The following PAK1IP1 variants were observed in gnomAD, a reference collection of about 807,000 sequenced individuals.
The protein encoded by PAK1IP1 is PAK1 interacting protein 1.
A neutral mutation model predicts 42.0 loss-of-function variants in PAK1IP1; 24 were observed. The ratio of observed to expected loss-of-function variants is 0.57; its 90% CI spans 0.41 to 0.80. The LOEUF (loss-of-function observed/expected upper bound fraction) is 0.80. PAK1IP1 is among the 30% of genes least tolerant of loss of function. PAK1IP1 has a pLI of 0.00. For missense variants in PAK1IP1, 411 were observed against 467.9 expected, an observed-to-expected ratio of 0.88 and a Z score of 1.12; for synonymous variants, 154 against 156.7, an observed-to-expected ratio of 0.98 and a Z score of 0.13.
intron 7 of PAK1IP1, among the ~76,000 whole-genome samples, chr6:10,706,500 C>T (rs1306620354): frequency 1.3e-5 from 2 of 152,158 alleles, no homozygotes; most frequent in Admixed American, 6.5e-5. Context: ...TCTATATGCC[C>T]AGCCACTTCT....
intron 2 of PAK1IP1, among the ~76,000 whole-genome samples, chr6:10,699,246 T>C (rs1280154391): frequency 6.6e-6 from 1 of 150,430 alleles, no homozygotes; most frequent in Non-Finnish European, 1.5e-5. Flanking sequence ...GAAAATGTGT[T>C]GTCAAGGGCC....
chr6:10,694,600 G>GTGAA, upstream of PAK1IP1: 1 of 173,902 alleles, frequency 5.8e-6, no homozygotes, highest in South Asian at 1.2e-4. Flanking sequence ...CAGCCCCTAA[G>GTGAA]CAACCGGCCG....
At chr6:10,691,451 C>G (rs940395060), upstream of PAK1IP1, among the ~76,000 whole-genome samples, 1 of 152,094 alleles carries the variant, frequency 6.6e-6, no homozygotes, top group African/African-American at 2.4e-5. Context: ...CGGAACAGAA[C>G]AGGACAGGGA....
At chr6:10,695,132 A>G (rs1413422401) in intron 1 of PAK1IP1, 63 bp downstream of exon 1, 8 of 1,034,948 alleles carry the variant, frequency 7.7e-6, no homozygotes, top group East Asian at 4.7e-5. Context: ...TTTGGTTCCT[A>G]CACAGCAGAG....
chr6:10,694,600 G>GT, upstream of PAK1IP1: 4 of 173,902 alleles, frequency 2.3e-5, no homozygotes, highest in South Asian at 2.3e-4. Context: ...CAGCCCCTAA[G>GT]CAACCGGCCG....
At chr6:10,702,864 C>A (rs58582867) in intron 4 of PAK1IP1, among the ~76,000 whole-genome samples, 1 of 151,882 alleles carries the variant, frequency 6.6e-6, no homozygotes, top group African/African-American at 2.4e-5. Context: ...TGGAGTGCGG[C>A]GGCGTGATCT....
Position 10,709,506 on chromosome 6 carries a change from G to A in PAK1IP1, c.*54G>A, listed in dbSNP as rs1327366053. ...TTAGATGAAATCATTCTACTCAAAT[G>A]TACCTTAATTTTTTTTTTTTCCCTG... On this transcript the variant is annotated 3_prime_UTR_variant, in exon 10 of 10. Coordinates refer to ENST00000379568, the MANE Select transcript of PAK1IP1 (RefSeq NM_017906.3). 3.1e-5 allele frequency: 36 copies of A among 1,165,714 alleles called. No homozygotes were observed. Among genetic ancestry groups the A allele is most frequent in the Non-Finnish European group, 4.0e-5 (35 of 875,970 alleles). The allele number at this position is 1,165,714 out of a possible 1,614,324, so 72.2% of individuals were successfully genotyped here.
At chr6:10,691,839 T>C, upstream of PAK1IP1, among the ~76,000 whole-genome samples, 1 of 152,140 alleles carries the variant, frequency 6.6e-6, no homozygotes, top group East Asian at 1.9e-4. Context: ...TTGGGGTTTT[T>C]TTTTCTTTTT....
At position 10,703,587 on chromosome 6, in the gene PAK1IP1, G is replaced by A. The variant is rs1387745384; in HGVS notation, c.496+130G>A. 2.3e-5 allele frequency: 14 copies of A among 619,156 alleles called. No homozygotes were observed. In the East Asian group the frequency reaches 3.2e-4, roughly 14 times the overall value. 38.4% of individuals were successfully genotyped at this position (619,156 alleles called of 1,614,324 possible). The stretch of plus-strand genomic sequence containing the variant: ...AAAATTCAACACCTTACCTCATGAT[G>A]GGTCACAGTCAGAACCTTGTTTCAT... On this transcript the variant is annotated intron_variant, in intron 5 of 9. Transcript: ENST00000379568.
rs201629252 is a variant in PAK1IP1, at chr6:10,709,272, G to A, written c.999G>A (p.Glu333=). The A allele has an allele frequency of 9.9e-6, 16 of 1,612,054 alleles. No homozygotes were observed. In the East Asian group the frequency reaches 2.7e-4, roughly 27 times the overall value. ...AACAGTCCAAAATTGGCAAAAAGGAGCCTGGTGACACAGTGCACAAAGAAG... is the reference window on the plus strand; with the variant it reads ...AACAGTCCAAAATTGGCAAAAAGGAACCTGGTGACACAGTGCACAAAGAAG... The part of the protein sequence containing the change: ...SKEQSKIGKK[E]PGDTVHKEEK... Residue 333 remains glutamate, a synonymous_variant, in exon 10 of 10, where the codon GAG becomes GAA. Coordinates refer to ENST00000379568, the MANE Select transcript of PAK1IP1 (RefSeq NM_017906.3).
intron 1 of PAK1IP1, 142 bp from the exon 2 acceptor site, chr6:10,697,182 T>C (rs1769884773): frequency 2.8e-6 from 2 of 712,024 alleles, no homozygotes; most frequent in Middle Eastern, 2.6e-4. Context: ...ATAGGATCCA[T>C]TGATAGTTTT....
rs761900627 is a variant in PAK1IP1, at chr6:10,702,577, C to T, written c.381C>T (p.Thr127=). Residue 127 remains threonine, a synonymous_variant, in exon 4 of 10, where the codon ACC becomes ACT. Transcript: ENST00000379568. Reference sequence around the variant, plus strand: ...GGTTTCATTATAGAGGACAGGTGACCTTCCTTTCTATTCACCCATCTGGCA... The same window carrying T: ...GGTTTCATTATAGAGGACAGGTGACTTTCCTTTCTATTCACCCATCTGGCA... ...KSIKAHKGQV[T]FLSIHPSGKL... is the part of the protein sequence containing the mutation. 6.2e-7 allele frequency: 1 copy of T among 1,613,854 alleles called. No homozygotes were observed. Among genetic ancestry groups the T allele is most frequent in the South Asian group, 1.1e-5 (1 of 91,080 alleles).
chr6:10,703,366 G>C, intron 4 of PAK1IP1, 39 bp from the exon 5 acceptor site: 1 of 1,511,500 alleles, frequency 6.6e-7, no homozygotes, highest in Non-Finnish European at 9.2e-7. Flanking sequence ...GTAAAAGTTA[G>C]TTGGTGATCA....
intron 2 of PAK1IP1, among the ~76,000 whole-genome samples, chr6:10,701,538 G>T (rs962975244): frequency 1.1e-4 from 17 of 152,198 alleles, no homozygotes; most frequent in Admixed American, 2.0e-4. Flanking sequence ...GGAAGCAAAT[G>T]TGGGAAACCA....
upstream of PAK1IP1, among the ~76,000 whole-genome samples, chr6:10,694,255 CG>C (rs1233805473): frequency 8.1e-6 from 1 of 123,316 alleles, no homozygotes; most frequent in Non-Finnish European, 1.5e-5. Context: ...AGCGAAACTC[CG>C]TCTCAAAAAA....
upstream of PAK1IP1, among the ~76,000 whole-genome samples, chr6:10,694,086 C>A (rs776142652): frequency 6.6e-6 from 1 of 151,932 alleles, no homozygotes; most frequent in African/African-American, 2.4e-5. Flanking sequence ...ATGGAGAAAC[C>A]CTGTCTCTAC....
chr6:10,704,166 G>A (rs148884299), intron 5 of PAK1IP1, among the ~76,000 whole-genome samples: 9 of 152,048 alleles, frequency 5.9e-5, no homozygotes, highest in Admixed American at 2.6e-4. Flanking sequence ...GATTACAGGC[G>A]CGTGCCACCA....
chr6:10,696,758 T>G (rs1305226132), intron 1 of PAK1IP1, among the ~76,000 whole-genome samples: 1 of 152,146 alleles, frequency 6.6e-6, no homozygotes, highest in African/African-American at 2.4e-5. Flanking sequence ...GCCTGGCCAA[T>G]GTGGTGAAAC....
upstream of PAK1IP1, chr6:10,694,606 G>C: frequency 5.9e-6 from 1 of 169,824 alleles, no homozygotes; most frequent in South Asian, 1.3e-4. Context: ...CTAAGCAACC[G>C]GCCGGAAGTC....
Sources: gnomAD v4.1 joint callset for allele counts (sites outside exome capture counted in the v4.1 genomes callset) on GRCh38, gnomAD v4.1.1 for gene constraint, MANE v1.5 for transcripts, NCBI Gene and HGNC (gene_info 2026-07-23, HGNC 2026-07-21) for gene names.